Variants in FGGY observed in about 807,000 individuals in gnomAD.
The protein encoded by FGGY is FGGY carbohydrate kinase domain-containing protein.
Under a neutral mutation model 71.3 loss-of-function variants are expected in FGGY, and 72 were observed. The ratio of observed to expected loss-of-function variants is 1.01; its 90% CI spans 0.84 to 1.23. The LOEUF (loss-of-function observed/expected upper bound fraction) is 1.23, where lower values mean the gene tolerates loss of function less well. FGGY is among the 50% of genes most tolerant of loss of function. FGGY has a pLI of 0.00. For synonymous variants in FGGY, 251 were observed against 250.3 expected (o/e 1.00, Z -0.02); for missense variants, 668 against 682.3 (o/e 0.98, Z 0.23).
chr1:59,743,957 A>G (rs1558970238), intron 14 of FGGY, among the ~76,000 whole-genome samples: 1 of 152,214 alleles, frequency 6.6e-6, no homozygotes, highest in African/African-American at 2.4e-5. Flanking sequence ...AGCATGTCAC[A>G]TGCAGCAGCA....
intron 7 of FGGY, among the ~76,000 whole-genome samples, chr1:59,540,208 G>T (rs1025053585): frequency 1.3e-5 from 2 of 152,176 alleles, no homozygotes; most frequent in Non-Finnish European, 2.9e-5. Flanking sequence ...GCAGTATCAT[G>T]ATAGGCTATG....
At chr1:59,618,553 T>A (rs1351268332) in intron 9 of FGGY, among the ~76,000 whole-genome samples, 1 of 152,142 alleles carries the variant, frequency 6.6e-6, no homozygotes, top group Non-Finnish European at 1.5e-5. Context: ...TCCGTTAACA[T>A]GACATTCTCT....
At chr1:59,654,317 ATCC>A (rs1301657436) in intron 11 of FGGY, among the ~76,000 whole-genome samples, 2 of 152,016 alleles carry the variant, frequency 1.3e-5, no homozygotes, top group Non-Finnish European at 2.9e-5. Flanking sequence ...TCTTTCTCTG[ATCC>A]TCCTCATTGC....
chr1:59,340,358 C>T (rs1369584526), intron 3 of FGGY, among the ~76,000 whole-genome samples: 1 of 152,138 alleles, frequency 6.6e-6, no homozygotes, highest in Admixed American at 6.5e-5. Context: ...AGTGATTAAC[C>T]TTGAAACACA....
chr1:59,616,627 A>G (rs1275843278), intron 9 of FGGY, among the ~76,000 whole-genome samples: 3 of 152,324 alleles, frequency 2.0e-5, no homozygotes, highest in South Asian at 2.1e-4. Context: ...AACTTAAAGT[A>G]TAATAAAAAA....
At position 59,409,067 on chromosome 1, in the gene FGGY, C is replaced by G. The variant is rs151273786; in HGVS notation, c.554+30230C>G. On this transcript the variant is annotated intron_variant, in intron 5 of 15. Transcript: ENST00000303721. ...CTCCCCCATCTCACAATTTCTAATCCCTCTTTTGTCCTTAGATTTTTCCTT... is the reference window on the plus strand; with the variant it reads ...CTCCCCCATCTCACAATTTCTAATCGCTCTTTTGTCCTTAGATTTTTCCTT... 4.2e-3 allele frequency among the ~76,000 whole-genome samples: 637 copies of G among 152,132 alleles called. 4 individuals are homozygous for G. Among genetic ancestry groups the G allele is most frequent in the Non-Finnish European group, 7.7e-3 (527 of 68,002 alleles).
At chr1:59,412,786 A>G (rs942066112) in intron 5 of FGGY, among the ~76,000 whole-genome samples, 1 of 152,230 alleles carries the variant, frequency 6.6e-6, no homozygotes, top group Non-Finnish European at 1.5e-5. Flanking sequence ...CAGCTGAATT[A>G]TAAGTGCTTT....
At chr1:59,347,341 G>T (rs1362632648) in intron 4 of FGGY, among the ~76,000 whole-genome samples, 1 of 145,940 alleles carries the variant, frequency 6.9e-6, no homozygotes, top group African/African-American at 2.5e-5. Context: ...GTGAGAACAT[G>T]TGGTGTTTGG....
rs180988437 is a variant in FGGY, at chr1:59,488,306, G to A, written c.671-24005G>A. Among the ~76,000 whole-genome samples the A allele has an allele frequency of 7.6e-3, 1,159 of 151,776 alleles. 16 individuals are homozygous for A. The highest frequency in any genetic ancestry group is 0.027 in the African/African-American group (1,103 of 41,386). ...TTTATTTTCTGCATCTGACAGACTC[G>A]CAGAAATGGAATTACTAAGTAAAAA... On this transcript the variant is annotated intron_variant, in intron 6 of 15. Coordinates refer to ENST00000303721, the MANE Select transcript of FGGY (RefSeq NM_018291.5).
chr1:59,638,091 A>G, intron 10 of FGGY, 137 bp from the exon 11 acceptor site: 1 of 780,212 alleles, frequency 1.3e-6, no homozygotes, highest in East Asian at 2.6e-5. Flanking sequence ...TTGAGAGTAC[A>G]GTGGGCTAGC....
At chr1:59,542,327 G>A (rs1056060829) in intron 7 of FGGY, among the ~76,000 whole-genome samples, 2 of 151,820 alleles carry the variant, frequency 1.3e-5, no homozygotes, top group Non-Finnish European at 2.9e-5. Context: ...GTAAAGTTGT[G>A]CTCTGTAAAT....
chr1:59,483,651 A>G (rs550962414), intron 6 of FGGY, among the ~76,000 whole-genome samples: 6 of 152,162 alleles, frequency 3.9e-5, no homozygotes, highest in African/African-American at 1.4e-4. Flanking sequence ...TTTATTTTTT[A>G]CCAACCTAAG....
intron 2 of FGGY, among the ~76,000 whole-genome samples, chr1:59,327,211 A>G (rs918399391): frequency 3.4e-4 from 52 of 152,354 alleles, no homozygotes; most frequent in Admixed American, 7.8e-4. Context: ...GTTTGATAGC[A>G]TCTTATCCAT....
chr1:59,404,397 C>T (rs1192457225), intron 5 of FGGY, among the ~76,000 whole-genome samples: 8 of 152,216 alleles, frequency 5.3e-5, no homozygotes, highest in Middle Eastern at 3.4e-3. Flanking sequence ...TCCAGGACAG[C>T]GTCAGTCCTT....
At chr1:59,465,986 A>T (rs1477854513) in intron 6 of FGGY, among the ~76,000 whole-genome samples, 3 of 152,212 alleles carry the variant, frequency 2.0e-5, no homozygotes, top group Non-Finnish European at 4.4e-5. Context: ...GACTTTCTTC[A>T]CAGAACTGAA....
intron 14 of FGGY, among the ~76,000 whole-genome samples, chr1:59,753,163 C>T (rs1027101418): frequency 2.0e-5 from 3 of 151,948 alleles, no homozygotes; most frequent in African/African-American, 7.3e-5. Context: ...TCAAATAAAC[C>T]CTTTGGAACA....
intron 6 of FGGY, among the ~76,000 whole-genome samples, chr1:59,472,098 G>A (rs911872717): frequency 1.3e-5 from 2 of 152,216 alleles, no homozygotes; most frequent in Admixed American, 6.5e-5. Context: ...GGCCGGAGCC[G>A]GCCCCCTCAG....
At chr1:59,337,729 T>C (rs2049878217) in intron 2 of FGGY, among the ~76,000 whole-genome samples, 1 of 152,212 alleles carries the variant, frequency 6.6e-6, no homozygotes, top group Admixed American at 6.5e-5. Flanking sequence ...CTTACTAAAA[T>C]TGCTTATTAG....
chr1:59,298,745 C>G (rs1001414316), intron 1 of FGGY, among the ~76,000 whole-genome samples: 1 of 152,168 alleles, frequency 6.6e-6, no homozygotes, highest in Non-Finnish European at 1.5e-5. Flanking sequence ...ACCTCCACCC[C>G]CAGGGGGATT....
Sources: gnomAD v4.1 joint callset for allele counts (sites outside exome capture counted in the v4.1 genomes callset) on GRCh38, gnomAD v4.1.1 for gene constraint, MANE v1.5 for transcripts, NCBI Gene and HGNC (gene_info 2026-07-23, HGNC 2026-07-21) for gene names.